Variants in RIMS2 observed in about 807,000 individuals in gnomAD.
RIMS2 encodes regulating synaptic membrane exocytosis 2.
RIMS2 carries 59 observed loss-of-function variants against 174.4 expected under a neutral mutation model. The observed-to-expected ratio is 0.34, with a 90% CI of 0.27 to 0.42. The LOEUF (loss-of-function observed/expected upper bound fraction) is 0.42, where lower values mean the gene tolerates loss of function less well. Among genes scored for constraint, RIMS2 ranks in the 10% least tolerant of loss-of-function variants. The pLI, the probability that RIMS2 is intolerant of heterozygous loss-of-function variation, is 1.00. For missense variants in RIMS2, 1,620 were observed against 1,666.3 expected (o/e 0.97, Z 0.48); for synonymous variants, 606 against 572.5 (o/e 1.06, Z -0.84).
intron 19 of RIMS2, among the ~76,000 whole-genome samples, chr8:104,156,885 C>A (rs1171022840): frequency 6.6e-6 from 1 of 152,210 alleles, no homozygotes; most frequent in Admixed American, 6.5e-5. Context: ...CCTATTAATA[C>A]ACAAGCGTAC....
In RIMS2 at chr8:103,766,406, C is replaced by T. The variant is rs769470677; in HGVS notation, c.567C>T (p.Phe189=). The change falls in exon 3 of 24, where the codon TTC becomes TTT. Residue 189 remains phenylalanine (F), a synonymous_variant. Transcript: ENST00000504942. ...CAAAACTACATGAGCAGACCCAGTT[C>T]CAAGGACCCTCAGGTGACTTATCTG... The T allele has an allele frequency of 3.7e-6, 6 of 1,613,694 alleles. No homozygotes were observed. In the Admixed American group the frequency reaches 8.3e-5, roughly 22 times the overall value.
intron 19 of RIMS2, among the ~76,000 whole-genome samples, chr8:104,196,928 T>C (rs2136710511): frequency 6.6e-6 from 1 of 152,322 alleles, no homozygotes; most frequent in Admixed American, 6.5e-5. Context: ...ATTTACTTAG[T>C]TTTAATAATT....
At chr8:103,717,330 G>A (rs918593049) in intron 2 of RIMS2, among the ~76,000 whole-genome samples, 1 of 150,366 alleles carries the variant, frequency 6.7e-6, no homozygotes, top group Non-Finnish European at 1.5e-5. Context: ...AAAACCTGTA[G>A]GAATCCTCCC....
intron 3 of RIMS2, among the ~76,000 whole-genome samples, chr8:103,781,905 G>C (rs923322603): frequency 1.3e-5 from 2 of 151,646 alleles, no homozygotes; most frequent in Non-Finnish European, 2.9e-5. Flanking sequence ...GTACCACCAT[G>C]CCCGGGTAAT....
At chr8:104,177,105 C>T (rs551868266) in intron 19 of RIMS2, among the ~76,000 whole-genome samples, 4 of 151,930 alleles carry the variant, frequency 2.6e-5, no homozygotes, top group Non-Finnish European at 5.9e-5. Flanking sequence ...TAATGTATTT[C>T]GTTTGCATAT....
intron 19 of RIMS2, among the ~76,000 whole-genome samples, chr8:104,175,993 C>T (rs931374875): frequency 7.9e-5 from 12 of 152,232 alleles, no homozygotes; most frequent in Middle Eastern, 3.4e-3. Context: ...GAAACTAGTC[C>T]TACCCAACTT....
At chr8:103,778,479 G>A (rs2098343649) in intron 3 of RIMS2, among the ~76,000 whole-genome samples, 1 of 151,922 alleles carries the variant, frequency 6.6e-6, no homozygotes, top group Admixed American at 6.6e-5. Context: ...ATCCACTTTT[G>A]TAGTTCCTAC....
At chr8:104,230,474 T>C (rs147238730) in intron 19 of RIMS2, among the ~76,000 whole-genome samples, 96 of 151,646 alleles carry the variant, frequency 6.3e-4, no homozygotes, top group Non-Finnish European at 1.2e-3. Flanking sequence ...GGTGAAATCC[T>C]GTCTCTACTA....
intron 3 of RIMS2, among the ~76,000 whole-genome samples, chr8:103,842,261 A>T (rs1018123765): frequency 3.3e-5 from 5 of 152,092 alleles, no homozygotes; most frequent in African/African-American, 1.2e-4. Flanking sequence ...GAAAAAATAC[A>T]GTTATAGTTT....
chr8:104,201,670 CAT>C (rs1399699875), intron 19 of RIMS2, among the ~76,000 whole-genome samples: 2 of 152,090 alleles, frequency 1.3e-5, no homozygotes, highest in Admixed American at 6.5e-5. Context: ...AAATGAGAAA[CAT>C]GTTCACTTTT....
chr8:103,634,951 A>G (rs966882478), intron 1 of RIMS2, among the ~76,000 whole-genome samples: 2 of 151,826 alleles, frequency 1.3e-5, no homozygotes, highest in Admixed American at 6.6e-5. Flanking sequence ...ACACCATACC[A>G]TTGGGTCTTT....
intron 3 of RIMS2, among the ~76,000 whole-genome samples, chr8:103,786,951 G>A (rs2098449761): frequency 1.3e-5 from 2 of 151,570 alleles, no homozygotes; most frequent in African/African-American, 4.9e-5. Context: ...GAATCTGGGT[G>A]CTCCTATATT....
chr8:103,657,815 G>T (rs1390809923), intron 1 of RIMS2, among the ~76,000 whole-genome samples: 2 of 152,130 alleles, frequency 1.3e-5, no homozygotes, highest in Non-Finnish European at 2.9e-5. Context: ...GTTCTGATTG[G>T]TTGGTATAGC....
chr8:103,546,766 G>A (rs1587364949), intron 1 of RIMS2, among the ~76,000 whole-genome samples: 1 of 152,132 alleles, frequency 6.6e-6, no homozygotes, highest in East Asian at 1.9e-4. Flanking sequence ...GCTCTCTGCA[G>A]GGGTGCTGGC....
chr8:104,042,213 G>T (rs1410535941), intron 19 of RIMS2, among the ~76,000 whole-genome samples: 1 of 151,566 alleles, frequency 6.6e-6, no homozygotes, highest in Non-Finnish European at 1.5e-5. Context: ...GAAGAATTTA[G>T]TTGAATATTA....
chr8:103,830,848 G>T (rs1225457290), intron 3 of RIMS2, among the ~76,000 whole-genome samples: 1 of 152,140 alleles, frequency 6.6e-6, no homozygotes, highest in Non-Finnish European at 1.5e-5. Context: ...TTGCTCTGTT[G>T]CTCAGGCTGC....
At chr8:104,188,078 G>A (rs1292819563) in intron 19 of RIMS2, among the ~76,000 whole-genome samples, 2 of 151,696 alleles carry the variant, frequency 1.3e-5, no homozygotes, top group African/African-American at 4.8e-5. Context: ...TATAGTATGA[G>A]AATGGATGTA....
chr8:104,158,414 G>A (rs1049162807), intron 19 of RIMS2, among the ~76,000 whole-genome samples: 2 of 152,196 alleles, frequency 1.3e-5, no homozygotes, highest in Non-Finnish European at 2.9e-5. Context: ...TATATACCCA[G>A]TAATGGGATT....
chr8:103,890,898 T>C (rs965216002), intron 4 of RIMS2, among the ~76,000 whole-genome samples: 1 of 152,074 alleles, frequency 6.6e-6, no homozygotes, highest in Non-Finnish European at 1.5e-5. Flanking sequence ...TCAGCACTAT[T>C]AACATTTGAG....
Sources: allele counts gnomAD v4.1 joint callset (sites outside exome capture counted in the v4.1 genomes callset), GRCh38; gene constraint gnomAD v4.1.1; transcripts MANE v1.5; gene names NCBI Gene and HGNC (gene_info 2026-07-23, HGNC 2026-07-21).